Variants in CCDC169 observed in about 807,000 individuals in gnomAD.
CCDC169 encodes the protein coiled-coil domain-containing protein 169.
In CCDC169, 30 loss-of-function variants were observed where a neutral mutation model predicts 36.0. The ratio of observed to expected loss-of-function variants is 0.83; its 90% CI spans 0.62 to 1.13. The LOEUF is 1.13. CCDC169 is among the 50% of genes most tolerant of loss of function. The pLI, the probability that CCDC169 is intolerant of heterozygous loss-of-function variation, is 0.00. For missense variants in CCDC169, 245 were observed against 245.9 expected, an observed-to-expected ratio of 1.00 and a Z score of 0.03; for synonymous variants, 85 against 81.5, an observed-to-expected ratio of 1.04 and a Z score of -0.23.
intron 2 of CCDC169, among the ~76,000 whole-genome samples, chr13:36,286,095 T>C (rs1566089454): frequency 6.6e-6 from 1 of 152,218 alleles, no homozygotes; most frequent in Non-Finnish European, 1.5e-5. Context: ...CCTGCCAGTC[T>C]GGTTTCTATC....
At chr13:36,294,100 G>C (rs1330748508) in intron 2 of CCDC169, among the ~76,000 whole-genome samples, 1 of 152,100 alleles carries the variant, frequency 6.6e-6, no homozygotes, top group African/African-American at 2.4e-5. Context: ...ACAGTCCCTG[G>C]CTTTAAAGGA....
At chr13:36,240,427 T>C (rs188941349) in intron 7 of CCDC169, 2 of 250,266 alleles carry the variant, frequency 8.0e-6, no homozygotes, top group African/African-American at 4.7e-5. Flanking sequence ...TCCTAGAATG[T>C]AATTTTTGCA....
chr13:36,227,181 CAT>C (rs1239404186), downstream of CCDC169: 5 of 1,440,366 alleles, frequency 3.5e-6, no homozygotes, highest in Non-Finnish European at 4.7e-6. Flanking sequence ...GGGTGGTGCA[CAT>C]GTCTGAGTAT....
chr13:36,293,746 A>G (rs1465656324), intron 2 of CCDC169, among the ~76,000 whole-genome samples: 4 of 152,190 alleles, frequency 2.6e-5, no homozygotes, highest in Non-Finnish European at 5.9e-5. Context: ...TCACGGAATG[A>G]CCAGCTCACT....
chr13:36,261,324 G>C (rs1301272617), intron 4 of CCDC169, among the ~76,000 whole-genome samples: 1 of 152,014 alleles, frequency 6.6e-6, no homozygotes, highest in Non-Finnish European at 1.5e-5. Context: ...CTGCCAATAA[G>C]AGACGACAAC....
intron 7 of CCDC169, among the ~76,000 whole-genome samples, chr13:36,246,125 T>C (rs975832363): frequency 6.6e-6 from 1 of 152,166 alleles, no homozygotes; most frequent in African/African-American, 2.4e-5. Context: ...CACAACACTA[T>C]TGAAATTAGG....
At chr13:36,289,797 A>G (rs1213204588) in intron 2 of CCDC169, among the ~76,000 whole-genome samples, 1 of 152,212 alleles carries the variant, frequency 6.6e-6, no homozygotes, top group Non-Finnish European at 1.5e-5. Flanking sequence ...CATTTTGGTT[A>G]AATTAGTAAC....
intron 7 of CCDC169, among the ~76,000 whole-genome samples, chr13:36,234,969 A>G (rs545658892): frequency 6.6e-6 from 1 of 152,236 alleles, no homozygotes; most frequent in South Asian, 2.1e-4. Flanking sequence ...TTCTTTTTAA[A>G]TCTCCTAACT....
At chr13:36,261,240 C>A (rs536130292) in intron 4 of CCDC169, among the ~76,000 whole-genome samples, 1 of 152,260 alleles carries the variant, frequency 6.6e-6, no homozygotes, top group South Asian at 2.1e-4. Context: ...GAGATGGCGA[C>A]TTTGCATTGG....
chr13:36,283,238 C>A, intron 4 of CCDC169: 1 of 512,824 alleles, frequency 1.9e-6, no homozygotes, highest in Non-Finnish European at 3.4e-6. Context: ...ATTCAAAAAG[C>A]AATATCTATA....
intron 4 of CCDC169, among the ~76,000 whole-genome samples, chr13:36,271,751 C>T (rs1355771936): frequency 6.6e-6 from 1 of 151,736 alleles, no homozygotes; most frequent in African/African-American, 2.4e-5. Context: ...TTTAGAGATG[C>T]AGAAGGGGGT....
Position 36,295,955 on chromosome 13 carries a change from T to C in CCDC169, c.84-98A>G, listed in dbSNP as rs188117090. The C allele has an allele frequency of 3.7e-5, 24 of 655,124 alleles. No individual in the cohort carries two copies. The East Asian group carries it at 6.6e-4, about 18-fold the overall frequency. The allele number at this position is 655,124 out of a possible 1,614,324, so 40.6% of individuals were successfully genotyped here. A position where few individuals can be genotyped will look rare whatever the true frequency, so the allele number is the denominator to read the frequency against. On this transcript the variant is annotated intron_variant, in intron 1 of 7. Transcript: ENST00000239859. ...CACTACTACTTCAGGAACAATTTACTATGACACATTATTTACTGAAGGACT... is the reference window on the plus strand; with the variant it reads ...CACTACTACTTCAGGAACAATTTACCATGACACATTATTTACTGAAGGACT...
intron 4 of CCDC169, chr13:36,267,097 A>C (rs1242403453): frequency 6.6e-6 from 1 of 152,252 alleles, no homozygotes; most frequent in Non-Finnish European, 1.5e-5. Context: ...CAGTGAGAGA[A>C]GGTTGGCTGA....
At chr13:36,238,139 G>A (rs570839268) in intron 7 of CCDC169, among the ~76,000 whole-genome samples, 1 of 152,296 alleles carries the variant, frequency 6.6e-6, no homozygotes, top group East Asian at 1.9e-4. Context: ...GGGGGTTTGG[G>A]AACTAACTGC....
At chr13:36,242,872 G>GAT (rs1872004531) in intron 7 of CCDC169, among the ~76,000 whole-genome samples, 1 of 152,170 alleles carries the variant, frequency 6.6e-6, no homozygotes, top group African/African-American at 2.4e-5. Context: ...ATCTCAGCCT[G>GAT]ATTCATAGCT....
downstream of CCDC169, among the ~76,000 whole-genome samples, chr13:36,228,709 A>C (rs890970403): frequency 2.0e-5 from 3 of 152,022 alleles, no homozygotes; most frequent in African/African-American, 7.2e-5. Context: ...TGTCACCACA[A>C]CTGGTTAATT....
At chr13:36,225,488 A>AACT (rs1869826030), downstream of CCDC169, 2 of 152,452 alleles carry the variant, frequency 1.3e-5, no homozygotes, top group South Asian at 4.1e-4. Flanking sequence ...TACAGGCATG[A>AACT]ACTACTAGGC....
chr13:36,277,582 G>A (rs1424275704), intron 4 of CCDC169, among the ~76,000 whole-genome samples: 1 of 152,132 alleles, frequency 6.6e-6, no homozygotes, highest in Non-Finnish European at 1.5e-5. Context: ...ACTAAGTCCC[G>A]TTTTGGTGAA....
intron 4 of CCDC169, among the ~76,000 whole-genome samples, chr13:36,256,261 C>T (rs9531668): frequency 6.6e-6 from 1 of 152,072 alleles, no homozygotes; most frequent in South Asian, 2.1e-4. Context: ...TGTTTTAGTT[C>T]GTTCTCATGC....
Sources: allele counts gnomAD v4.1 joint callset (sites outside exome capture counted in the v4.1 genomes callset), GRCh38; gene constraint gnomAD v4.1.1; transcripts MANE v1.5; gene names NCBI Gene and HGNC (gene_info 2026-07-23, HGNC 2026-07-21).